Variants in USP12 observed in about 807,000 individuals in gnomAD.
USP12 encodes the protein ubiquitin carboxyl-terminal hydrolase 12.
A neutral mutation model predicts 45.5 loss-of-function variants in USP12; 19 were observed. That is an observed-to-expected ratio of 0.42 (90% CI 0.29 to 0.61). The LOEUF (loss-of-function observed/expected upper bound fraction) is 0.61, where lower values mean the gene tolerates loss of function less well. Among genes scored for constraint, USP12 ranks in the 20% least tolerant of loss-of-function variants. USP12 has a pLI of 0.22. For missense variants in USP12, 242 were observed against 447.7 expected (o/e 0.54, Z 4.15); for synonymous variants, 149 against 148.8 (o/e 1.00, Z -0.01).
chr13:27,131,240 G>C (rs1876486011), intron 1 of USP12, among the ~76,000 whole-genome samples: 1 of 152,196 alleles, frequency 6.6e-6, no homozygotes, highest in Non-Finnish European at 1.5e-5. Flanking sequence ...AGGCCAGAAG[G>C]CTGCACAGGT....
chr13:27,154,528 A>C (rs1444666815), intron 1 of USP12, among the ~76,000 whole-genome samples: 2 of 152,212 alleles, frequency 1.3e-5, no homozygotes, highest in Admixed American at 1.3e-4. Flanking sequence ...TTCACTTAGT[A>C]CAAAAGGTGT....
rs770263532 is a variant in USP12, at chr13:27,105,963, A to C, written c.130-19T>G. On this transcript the variant is annotated intron_variant, in intron 2 of 8. Coordinates refer to ENST00000282344, the MANE Select transcript of USP12 (RefSeq NM_182488.4). ...TCCCAAACTGCAACAGAAAAAAAAA[A>C]GTTTTGTTAAATTTAGGGCAACACA... 6.3e-7 allele frequency: 1 copy of C among 1,584,622 alleles called. No homozygotes were observed. The highest frequency in any genetic ancestry group is 8.6e-7 in the Non-Finnish European group (1 of 1,168,020).
At chr13:27,113,874 A>G (rs989501608) in intron 2 of USP12, among the ~76,000 whole-genome samples, 3 of 152,200 alleles carry the variant, frequency 2.0e-5, no homozygotes, top group African/African-American at 7.2e-5. Flanking sequence ...GAGAACCAAG[A>G]GACATTTGCC....
chr13:27,115,696 T>C (rs577283970), intron 2 of USP12, among the ~76,000 whole-genome samples: 2 of 152,316 alleles, frequency 1.3e-5, no homozygotes, highest in East Asian at 1.9e-4. Flanking sequence ...CCCAAAGTTT[T>C]AAAAACGTGT....
At chr13:27,131,873 C>T (rs1001129204) in intron 1 of USP12, among the ~76,000 whole-genome samples, 2 of 152,116 alleles carry the variant, frequency 1.3e-5, no homozygotes, top group Admixed American at 6.5e-5. Context: ...TAATATATTG[C>T]ATGCCTCAGT....
chr13:27,170,707 C>A (rs1047931252), intron 1 of USP12, among the ~76,000 whole-genome samples: 1 of 152,222 alleles, frequency 6.6e-6, no homozygotes, highest in Non-Finnish European at 1.5e-5. Flanking sequence ...AAAACAAATA[C>A]CATCGCCTTG....
Position 27,109,059 on chromosome 13 carries a change from C to G in USP12, c.130-3115G>C, listed in dbSNP as rs1875293695. 2.0e-5 allele frequency among the ~76,000 whole-genome samples: 3 copies of G among 152,234 alleles called. No individual in the cohort carries two copies. In the South Asian group the frequency reaches 6.2e-4, roughly 32 times the overall value. ...ACTAATATATAAAAGGAAAAACATT[C>G]AAGATTCATCTTGCCTTTCTTATAA... On this transcript the variant is annotated intron_variant, in intron 2 of 8. Transcript: ENST00000282344.
intron 1 of USP12, among the ~76,000 whole-genome samples, chr13:27,118,725 T>C (rs961885930): frequency 3.9e-5 from 6 of 152,110 alleles, no homozygotes; most frequent in East Asian, 3.8e-4. Context: ...CCTCAAATAC[T>C]TACCCATCTA....
chr13:27,131,285 C>T (rs1876488734), intron 1 of USP12, among the ~76,000 whole-genome samples: 2 of 152,174 alleles, frequency 1.3e-5, no homozygotes, highest in South Asian at 4.1e-4. Context: ...GAGCAGTGAG[C>T]TCCACCACCA....
chr13:27,104,518 C>T (rs1443056518), intron 3 of USP12, among the ~76,000 whole-genome samples: 1 of 152,096 alleles, frequency 6.6e-6, no homozygotes, highest in Non-Finnish European at 1.5e-5. Flanking sequence ...TCTAAAAAAA[C>T]AAGATAAACA....
chr13:27,129,580 G>A lies in USP12; in HGVS notation c.49-12984C>T, dbSNP rs982649635. Reference sequence around the variant, plus strand: ...CTCTACAGAGGATGTTGTGGAGCACGCCTGTAGTCCCAGCTGTTCGGGAGG... The same window carrying A: ...CTCTACAGAGGATGTTGTGGAGCACACCTGTAGTCCCAGCTGTTCGGGAGG... On this transcript the variant is annotated intron_variant, in intron 1 of 8. Transcript: ENST00000282344. The surrounding 1 kb of genome is among the most constrained non-coding windows in gnomAD (Gnocchi z 4.0). 4.6e-5 allele frequency among the ~76,000 whole-genome samples: 7 copies of A among 152,156 alleles called. No individual in the cohort carries two copies. The highest frequency in any genetic ancestry group is 1.7e-4 in the African/African-American group (7 of 41,422).
rs1256726182 is a variant in USP12 at position 27,068,490 on chromosome 13, T to C, written c.*793A>G. On this transcript the variant is annotated 3_prime_UTR_variant, in exon 9 of 9. Transcript: ENST00000282344. ...TAGAAATTAAAATTCACCTTAAAAATAGAAACAAACAAAAGGACAACTTAA... is the reference window on the plus strand; with the variant it reads ...TAGAAATTAAAATTCACCTTAAAAACAGAAACAAACAAAAGGACAACTTAA... 6.6e-6 allele frequency: 1 copy of C among 152,354 alleles called. No individual in the cohort carries two copies. The allele number at this position is 152,354 out of a possible 1,614,324, so 9.4% of individuals were successfully genotyped here. A position where few individuals can be genotyped will look rare whatever the true frequency, so the allele number is the denominator to read the frequency against.
intron 1 of USP12, among the ~76,000 whole-genome samples, chr13:27,133,970 TAAATA>T (rs1876661276): frequency 6.6e-6 from 1 of 151,988 alleles, no homozygotes; most frequent in Admixed American, 6.6e-5. Flanking sequence ...CATCTCTAAA[TAAATA>T]AAATAAAAAC....
intron 1 of USP12, among the ~76,000 whole-genome samples, chr13:27,134,603 C>T (rs900425724): frequency 6.6e-6 from 1 of 151,886 alleles, no homozygotes; most frequent in African/African-American, 2.4e-5. Context: ...AAGGGTTGTC[C>T]AAGGAACTCT....
At chr13:27,082,725 G>T (rs538810857) in intron 6 of USP12, among the ~76,000 whole-genome samples, 1 of 152,142 alleles carries the variant, frequency 6.6e-6, no homozygotes, top group Non-Finnish European at 1.5e-5. Context: ...GTTATTAATT[G>T]GCCTAATTTC....
intron 1 of USP12, among the ~76,000 whole-genome samples, chr13:27,148,427 G>A (rs1877406948): frequency 6.6e-6 from 1 of 151,718 alleles, no homozygotes; most frequent in South Asian, 2.1e-4. Context: ...TGTAATGCCA[G>A]CACTTTGGGA....
At position 27,105,764 on chromosome 13, in the gene USP12, TA is replaced by T. The variant is rs1177515072; in HGVS notation, c.309del (p.Lys104ArgfsTer26). ...TQKKKVGVIP[P>X]KKFITRLRKE... ...TTCCGTAATCTTGTGATGAACTTCTTAGGGGGTATTACTCCAACCTTTTTCT... is the reference window on the plus strand; with the variant it reads ...TTCCGTAATCTTGTGATGAACTTCTTGGGGGTATTACTCCAACCTTTTTCT... On this transcript the variant is annotated frameshift_variant, in exon 3 of 9. Transcript: ENST00000282344. LOFTEE classifies it high-confidence loss of function. 6.2e-7 allele frequency: 1 copy of T among 1,613,616 alleles called. No individual in the cohort carries two copies. Among genetic ancestry groups the T allele is most frequent in the African/African-American group, 1.3e-5 (1 of 74,918 alleles).
In USP12 at chr13:27,155,657, G is replaced by A. The variant is rs376743343; in HGVS notation, c.48+15935C>T. On this transcript the variant is annotated intron_variant, in intron 1 of 8. Coordinates refer to ENST00000282344, the MANE Select transcript of USP12 (RefSeq NM_182488.4). The stretch of plus-strand genomic sequence containing the variant: ...GTAGTAAATATATAACCCTGAGGCG[G>A]AACATATTAAAAAATGGAAAATAAA... Among the ~76,000 whole-genome samples the A allele has an allele frequency of 9.9e-5, 15 of 152,204 alleles. 1 individual carries two copies. In the South Asian group the frequency reaches 3.1e-3, roughly 32 times the overall value.
intron 1 of USP12, among the ~76,000 whole-genome samples, chr13:27,158,147 G>C (rs1877924319): frequency 6.6e-6 from 1 of 151,696 alleles, no homozygotes; most frequent in African/African-American, 2.4e-5. Context: ...AAGTCATTAG[G>C]GTGGACCCTA....
Sources: allele counts gnomAD v4.1 joint callset (sites outside exome capture counted in the v4.1 genomes callset), GRCh38; gene constraint gnomAD v4.1.1; non-coding constraint Gnocchi (gnomAD v3.1); transcripts MANE v1.5; gene names NCBI Gene and HGNC (gene_info 2026-07-23, HGNC 2026-07-21).